Variants in TMEM130 observed in about 807,000 individuals in gnomAD.
TMEM130 encodes the protein transmembrane protein 130.
In TMEM130, 37 loss-of-function variants were observed where a neutral mutation model predicts 42.9. The observed-to-expected ratio is 0.86, with a 90% CI of 0.66 to 1.13. TMEM130 has a LOEUF of 1.13. Among genes scored for constraint, TMEM130 ranks in the 50% most tolerant of loss-of-function variants. TMEM130 has a pLI of 0.00. For synonymous variants in TMEM130, 259 were observed against 237.7 expected, an observed-to-expected ratio of 1.09 and a Z score of -0.82; for missense variants, 545 against 562.6, an observed-to-expected ratio of 0.97 and a Z score of 0.32.
At chr7:98,865,620 AAAAG>A (rs1330060051) in intron 1 of TMEM130, among the ~76,000 whole-genome samples, 1 of 152,132 alleles carries the variant, frequency 6.6e-6, no homozygotes, top group Non-Finnish European at 1.5e-5. Context: ...AAAATTTAAA[AAAAG>A]AAAGGCCAAC....
At chr7:98,855,157 G>T in intron 5 of TMEM130, 83 bp downstream of exon 5, 1 of 1,285,804 alleles carries the variant, frequency 7.8e-7, no homozygotes, top group South Asian at 1.4e-5. Flanking sequence ...GCCTGTCACA[G>T]AGCAGAACAG....
Position 98,848,053 on chromosome 7 carries a change from T to G in TMEM130, c.*3A>C. 1 of 1,608,956 alleles carries G rather than the reference T, an allele frequency of 6.2e-7. No individual in the cohort carries two copies. On this transcript the variant is annotated 3_prime_UTR_variant, in exon 8 of 8. Transcript: ENST00000339375. Reference sequence around the variant, plus strand: ...ACTGAGATGGGGTGGGGAGGGGGAGTGCTCACACGGTGTAAGTTTTGACAG... The same window carrying G: ...ACTGAGATGGGGTGGGGAGGGGGAGGGCTCACACGGTGTAAGTTTTGACAG...
Position 98,855,344 on chromosome 7 carries a change from C to G in TMEM130, c.719-20G>C. 1.9e-6 allele frequency: 3 copies of G among 1,602,254 alleles called. No individual in the cohort carries two copies. The highest frequency in any genetic ancestry group is 2.6e-6 in the Non-Finnish European group (3 of 1,173,484). ...GGGTTTCTGTAAGGCAGAGAGAACC[C>G]CGTTAGACCTGGTGGCTAAGGATTG... On this transcript the variant is annotated intron_variant, in intron 4 of 7. Coordinates refer to ENST00000339375, the MANE Select transcript of TMEM130 (RefSeq NM_152913.3).
chr7:98,852,714 C>A (rs1034600069), intron 5 of TMEM130, among the ~76,000 whole-genome samples: 1 of 152,150 alleles, frequency 6.6e-6, no homozygotes, highest in East Asian at 1.9e-4. Context: ...TCCACCTCAG[C>A]CTCCCAAGTA....
In TMEM130 at chr7:98,856,024, C is replaced by T; in HGVS notation, c.711G>A (p.Lys237=). ...QKTGDFSASL[K]LQETLRGIQV... ...GCCTGCCTGGACACCCACCCTGCAG[C>T]TTCAGCGAGGCGGAGAAGTCCCCGG... The change falls in exon 4 of 8, where the codon AAG becomes AAA. Residue 237 remains lysine (K), a synonymous_variant. Coordinates refer to ENST00000339375, the MANE Select transcript of TMEM130 (RefSeq NM_152913.3). The T allele has an allele frequency of 6.2e-7, 1 of 1,612,818 alleles. No homozygotes were observed. The highest frequency in any genetic ancestry group is 8.5e-7 in the Non-Finnish European group (1 of 1,179,980).
chr7:98,848,255 C>A (rs1554397695), intron 7 of TMEM130, 47 bp from the exon 8 acceptor site: 2 of 1,610,814 alleles, frequency 1.2e-6, no homozygotes, highest in Non-Finnish European at 1.7e-6. Flanking sequence ...CTATGATGAA[C>A]AAAATCCCAC....
At position 98,846,607 on chromosome 7, in the gene TMEM130, G is replaced by A. The variant is rs1554397279; in HGVS notation, c.*1449C>T. On this transcript the variant is annotated 3_prime_UTR_variant, in exon 8 of 8. Coordinates refer to ENST00000339375, the MANE Select transcript of TMEM130 (RefSeq NM_152913.3). The stretch of plus-strand genomic sequence containing the variant: ...TTCTGCACACAGCCTGGGAGCAGAT[G>A]GTTACAGCGACAGAGCCCAGACCCC... 1 of 152,194 alleles carries A rather than the reference G, an allele frequency of 6.6e-6. No homozygotes were observed. The highest frequency in any genetic ancestry group is 2.4e-5 in the African/African-American group (1 of 41,410). 9.4% of individuals were successfully genotyped at this position (152,194 alleles called of 1,614,324 possible). A position where few individuals can be genotyped will look rare whatever the true frequency, so the allele number is the denominator to read the frequency against.
intron 1 of TMEM130, among the ~76,000 whole-genome samples, chr7:98,863,786 CCTCTCT>C (rs2116127503): frequency 6.9e-6 from 1 of 144,108 alleles, no homozygotes; most frequent in African/African-American, 2.9e-5. Context: ...CTCCCTCCCT[CCTCTCT>C]TTTTTCTTTC....
At chr7:98,862,299 A>G (rs1554399888) in intron 2 of TMEM130, among the ~76,000 whole-genome samples, 4 of 42,970 alleles carry the variant, frequency 9.3e-5, no homozygotes, top group Non-Finnish European at 3.5e-4. Context: ...AGAGACAGAA[A>G]GAGACAAAGA....
intron 2 of TMEM130, among the ~76,000 whole-genome samples, chr7:98,860,569 C>T (rs1554399665): frequency 1.3e-5 from 2 of 152,162 alleles, no homozygotes; most frequent in Non-Finnish European, 2.9e-5. Context: ...CACCGGAGGA[C>T]TCTGTCACAT....
chr7:98,869,084 TG>T lies in TMEM130; in HGVS notation c.85+692del. 1 of 931,546 alleles carries T rather than the reference TG, an allele frequency of 1.1e-6. No homozygotes were observed. Among genetic ancestry groups the T allele is most frequent in the Non-Finnish European group, 1.4e-6 (1 of 703,860 alleles). 57.7% of individuals were successfully genotyped at this position (931,546 alleles called of 1,614,324 possible). On this transcript the variant is annotated intron_variant, in intron 1 of 7. Coordinates refer to ENST00000339375, the MANE Select transcript of TMEM130 (RefSeq NM_152913.3). The surrounding 1 kb of genome is among the most constrained non-coding windows in gnomAD (Gnocchi z 4.7). ...TCTGTCCCTCGAATAGTCTTAAATC[TG>T]GGTCCTTTTATGGTTCCCAAAATGT...
At chr7:98,861,558 T>C (rs1360192542) in intron 2 of TMEM130, among the ~76,000 whole-genome samples, 1 of 150,640 alleles carries the variant, frequency 6.6e-6, no homozygotes, top group Non-Finnish European at 1.5e-5. Flanking sequence ...CTACTAAAAA[T>C]ACAAAAATTA....
At chr7:98,864,083 G>T (rs933670340) in intron 1 of TMEM130, among the ~76,000 whole-genome samples, 1 of 152,000 alleles carries the variant, frequency 6.6e-6, no homozygotes, top group Non-Finnish European at 1.5e-5. Flanking sequence ...GTAGAGATGG[G>T]GGTCTATGTT....
intron 5 of TMEM130, 116 bp downstream of exon 5, chr7:98,855,124 T>C: frequency 1.3e-6 from 1 of 793,858 alleles, no homozygotes; most frequent in African/African-American, 1.8e-5. Context: ...GGCACTGCCC[T>C]TCCATGAGGT....
chr7:98,868,102 G>A (rs547227767), intron 1 of TMEM130, among the ~76,000 whole-genome samples: 55 of 152,286 alleles, frequency 3.6e-4, no homozygotes, highest in African/African-American at 1.3e-3. Context: ...GGTGGCAGGC[G>A]CCTGTAATCC....
In TMEM130 at chr7:98,863,375, G is replaced by T; in HGVS notation, c.111C>A (p.Thr37=). 6.3e-7 allele frequency: 1 copy of T among 1,598,760 alleles called. No individual in the cohort carries two copies. Among genetic ancestry groups the T allele is most frequent in the Non-Finnish European group, 8.5e-7 (1 of 1,175,586 alleles). The part of the protein sequence containing the change: ...AAGLYELNLT[T]DSPATTGAVV... ...CCGCTCCCGTGGTGGCAGGGCTATC[G>T]GTGGTGAGATTGAGTTCATACAGGC... Residue 37 remains threonine, a synonymous_variant, in exon 2 of 8, where the codon ACC becomes ACA. Coordinates refer to ENST00000339375, the MANE Select transcript of TMEM130 (RefSeq NM_152913.3).
rs541020879 is a variant in TMEM130, at chr7:98,863,175, G to A, written c.311C>T (p.Pro104Leu). 1.9e-5 allele frequency: 31 copies of A among 1,614,094 alleles called. No individual in the cohort carries two copies. The highest frequency in any genetic ancestry group is 4.0e-5 in the African/African-American group (3 of 75,068). ...RVVGHVPGEF[P>L]VSVWVTAADC... ...AGCGGCAGTGACCCAGACAGAGACC[G>A]GGAATTCCCCGGGCACGTGGCCGAC... The change falls in exon 2 of 8, where the codon CCG becomes CTG. Residue 104 changes from proline to leucine, a missense_variant. Physicochemically the swap from Pro to Leu is moderately conservative, Grantham distance 98 (BLOSUM62 -3). Transcript: ENST00000339375.
At chr7:98,856,588 C>T (rs1794640698) in intron 3 of TMEM130, among the ~76,000 whole-genome samples, 2 of 152,076 alleles carry the variant, frequency 1.3e-5, no homozygotes, top group African/African-American at 4.8e-5. Flanking sequence ...GCCTTGAATT[C>T]CTGGGCTTGA....
chr7:98,851,196 C>G (rs1562905225), intron 6 of TMEM130, among the ~76,000 whole-genome samples: 2 of 152,034 alleles, frequency 1.3e-5, no homozygotes, highest in Non-Finnish European at 2.9e-5. Context: ...GAGTTGGTTG[C>G]TGGTGGGATT....
Sources: gnomAD v4.1 joint callset for allele counts (sites outside exome capture counted in the v4.1 genomes callset) on GRCh38, gnomAD v4.1.1 for gene constraint, Gnocchi (gnomAD v3.1) non-coding constraint, MANE v1.5 for transcripts, NCBI Gene and HGNC (gene_info 2026-07-23, HGNC 2026-07-21) for gene names.